Variants in BICRA observed in about 807,000 individuals in gnomAD.
BICRA encodes BRD4-interacting chromatin-remodeling complex-associated protein.
In BICRA, 31 loss-of-function variants were observed where a neutral mutation model predicts 96.9. The observed-to-expected ratio is 0.32, with a 90% CI of 0.24 to 0.43. The LOEUF is 0.43. Among genes scored for constraint, BICRA ranks in the 20% least tolerant of loss-of-function variants. BICRA has a pLI of 1.00. For synonymous variants in BICRA, 1,350 were observed against 1,071.8 expected (o/e 1.26, Z -5.07); for missense variants, 2,283 against 2,190.3 (o/e 1.04, Z -0.84).
rs1423272195 is a variant in BICRA at position 47,701,253 on chromosome 19, G to A, written c.3596-75G>A. On this transcript the variant is annotated intron_variant, in intron 14 of 14. Coordinates refer to ENST00000594866, the MANE Select transcript of BICRA (RefSeq NM_001394372.1). The surrounding 1 kb of genome is among the most constrained non-coding windows in gnomAD (Gnocchi z 5.4). ...GCCTGGCAGGTAGTAGGTGCTCACT[G>A]CACACAGCTCCTCCCAGCTCGGTCG... 3.0e-5 allele frequency: 31 copies of A among 1,035,944 alleles called. No individual in the cohort carries two copies. The highest frequency in any genetic ancestry group is 4.4e-5 in the Non-Finnish European group (30 of 684,528). 64.2% of individuals were successfully genotyped at this position (1,035,944 alleles called of 1,614,324 possible).
At chr19:47,636,002 T>C (rs1353482842) in intron 1 of BICRA, among the ~76,000 whole-genome samples, 1 of 152,220 alleles carries the variant, frequency 6.6e-6, no homozygotes, top group Non-Finnish European at 1.5e-5. Context: ...AACTTTTTCA[T>C]GCGCAAAATT....
At chr19:47,626,571 G>GTT (rs549577847) in intron 1 of BICRA, among the ~76,000 whole-genome samples, 34,031 of 126,410 alleles carry the variant, frequency 0.27, 4,896 homozygotes, top group Non-Finnish European at 0.32. Flanking sequence ...TAATTTTTTG[G>GTT]TTTTTTTTTT....
chr19:47,692,526 G>A (rs770847980), intron 7 of BICRA, among the ~76,000 whole-genome samples: 5 of 152,076 alleles, frequency 3.3e-5, no homozygotes, highest in Non-Finnish European at 5.9e-5. Context: ...CACCGTGCCC[G>A]GCCGAATATT....
At chr19:47,611,408 G>C (rs968590986) in intron 1 of BICRA, among the ~76,000 whole-genome samples, 27 of 152,106 alleles carry the variant, frequency 1.8e-4, no homozygotes. Context: ...TGTGAGGAGT[G>C]GGGGAGGGGG....
chr19:47,638,204 G>A (rs1323763861), intron 1 of BICRA, among the ~76,000 whole-genome samples: 4 of 152,066 alleles, frequency 2.6e-5, no homozygotes, highest in East Asian at 3.9e-4. Flanking sequence ...CAGGGAGCCC[G>A]GGGTAGGCCC....
chr19:47,702,383 G>GGTGGCCTC lies in BICRA; in HGVS notation c.4653_4660dup (p.Gly1554ValfsTer8). 6.6e-7 allele frequency: 1 copy of GGTGGCCTC among 1,518,142 alleles called. No individual in the cohort carries two copies. Among genetic ancestry groups the GGTGGCCTC allele is most frequent in the Non-Finnish European group, 8.7e-7 (1 of 1,145,646 alleles). The allele number at this position is 1,518,142 out of a possible 1,614,324, so 94.0% of individuals were successfully genotyped here. A position where few individuals can be genotyped will look rare whatever the true frequency, so the allele number is the denominator to read the frequency against. On this transcript the variant is annotated frameshift_variant, in exon 15 of 15. Transcript: ENST00000594866. LOFTEE classifies it high-confidence loss of function. The stretch of plus-strand genomic sequence containing the variant: ...GGCCTACCCACCCTCCAGTCACAAC[G>GGTGGCCTC]GTGGCCTCGGCGCCAGGACGTTGAC...
intron 1 of BICRA, among the ~76,000 whole-genome samples, chr19:47,651,823 A>G (rs550427003): frequency 4.6e-5 from 7 of 152,278 alleles, no homozygotes; most frequent in South Asian, 2.1e-4. Flanking sequence ...GGCTGGAGTT[A>G]TTTAAGAGAC....
chr19:47,616,894 T>C (rs955625069), intron 1 of BICRA, among the ~76,000 whole-genome samples: 1 of 150,214 alleles, frequency 6.7e-6, no homozygotes, highest in African/African-American at 2.5e-5. Flanking sequence ...AGTGGTGTGA[T>C]CTTGGCTCAC....
At chr19:47,647,827 G>T (rs1972483206) in intron 1 of BICRA, among the ~76,000 whole-genome samples, 4 of 151,700 alleles carry the variant, frequency 2.6e-5, no homozygotes, top group Admixed American at 1.3e-4. Context: ...ACTGCACGGG[G>T]ATCCTGTCCA....
intron 7 of BICRA, 64 bp from the exon 8 acceptor site, chr19:47,694,051 G>A: frequency 6.9e-7 from 1 of 1,447,076 alleles, no homozygotes; most frequent in Non-Finnish European, 9.1e-7. Context: ...AGTGTCTTGG[G>A]GCAACAGGAG....
At chr19:47,661,620 A>C (rs1185568662) in intron 1 of BICRA, 2 of 151,954 alleles carry the variant, frequency 1.3e-5, no homozygotes, top group Admixed American at 6.6e-5. Context: ...TGGCAGGAGC[A>C]GCCAGATGTC....
chr19:47,620,135 T>A (rs1972043569), intron 1 of BICRA, among the ~76,000 whole-genome samples: 1 of 152,182 alleles, frequency 6.6e-6, no homozygotes, highest in South Asian at 2.1e-4. Context: ...CGGGAGTGTC[T>A]TCCTTTAAGA....
At chr19:47,614,851 A>G (rs144973658) in intron 1 of BICRA, among the ~76,000 whole-genome samples, 1 of 152,296 alleles carries the variant, frequency 6.6e-6, no homozygotes, top group Non-Finnish European at 1.5e-5. Flanking sequence ...ATGGGAAGGC[A>G]TACGTCCGCA....
chr19:47,677,748 A>G (rs139908792), intron 5 of BICRA, among the ~76,000 whole-genome samples: 152 of 152,366 alleles, frequency 1.0e-3, no homozygotes, highest in African/African-American at 3.4e-3. Flanking sequence ...CGGTTGGCAC[A>G]GAAGTTCACA....
At chr19:47,673,475 C>G in intron 2 of BICRA, 95 bp from the exon 3 acceptor site, 1 of 942,666 alleles carries the variant, frequency 1.1e-6, no homozygotes, top group Non-Finnish European at 1.7e-6. Flanking sequence ...AACTCTGACC[C>G]CCTCCAGGGG....
intron 1 of BICRA, among the ~76,000 whole-genome samples, chr19:47,615,272 G>A (rs377520985): frequency 9.2e-5 from 14 of 152,306 alleles, no homozygotes; most frequent in African/African-American, 1.7e-4. Context: ...GTGAGCCACC[G>A]TGCCCGGCCC....
intron 1 of BICRA, among the ~76,000 whole-genome samples, chr19:47,639,212 TGCCCAG>T (rs774306347): frequency 5.3e-5 from 8 of 151,760 alleles, no homozygotes; most frequent in Non-Finnish European, 8.8e-5. Flanking sequence ...TTCATCATGT[TGCCCAG>T]GCTGGCCTTG....
intron 1 of BICRA, among the ~76,000 whole-genome samples, chr19:47,656,869 GT>G (rs775642264): frequency 8.8e-5 from 13 of 148,158 alleles, no homozygotes; most frequent in South Asian, 4.3e-4. Context: ...GATTTGTTTG[GT>G]TTTTTTTTTA....
chr19:47,665,653 T>A (rs555532922), intron 1 of BICRA, among the ~76,000 whole-genome samples: 1 of 152,248 alleles, frequency 6.6e-6, no homozygotes, highest in East Asian at 1.9e-4. Flanking sequence ...TGTTTTTTTT[T>A]AATCTTCATG....
Sources: gnomAD v4.1 joint callset for allele counts (sites outside exome capture counted in the v4.1 genomes callset) on GRCh38, gnomAD v4.1.1 for gene constraint, Gnocchi (gnomAD v3.1) non-coding constraint, MANE v1.5 for transcripts, NCBI Gene and HGNC (gene_info 2026-07-23, HGNC 2026-07-21) for gene names.